DOCK1: variants seen among roughly 807,000 people sequenced by gnomAD.
The protein encoded by DOCK1 is dedicator of cytokinesis 1.
In DOCK1, 138 loss-of-function variants were observed where a neutral mutation model predicts 262.7. That is an observed-to-expected ratio of 0.53 (90% CI 0.46 to 0.61). The LOEUF (loss-of-function observed/expected upper bound fraction) is 0.61. Ranked by LOEUF, DOCK1 falls within the 20% of genes least tolerant of loss-of-function variation. The pLI is 0.00. For missense variants in DOCK1, 1,908 were observed against 2,370.7 expected (o/e 0.80, Z 4.05); for synonymous variants, 866 against 867.4 (o/e 1.00, Z 0.03).
intron 42 of DOCK1, among the ~76,000 whole-genome samples, chr10:127,410,620 G>A (rs1176236906): frequency 1.3e-5 from 2 of 151,834 alleles, no homozygotes; most frequent in Non-Finnish European, 1.5e-5. Context: ...GTTTTCCCTC[G>A]AGGGTTGGCA....
chr10:127,100,007 G>A lies in DOCK1; in HGVS notation c.2446-6224G>A, dbSNP rs1297447814. Among the ~76,000 whole-genome samples, 7 of 152,120 alleles carry A rather than the reference G, an allele frequency of 4.6e-5. No individual in the cohort carries two copies. Among genetic ancestry groups the A allele is most frequent in the Non-Finnish European group, 8.8e-5 (6 of 68,024 alleles). ...CCACCTGGGAAACTGGAAGAGGCTCGGCTTGGTGGGAGAGAGTCCTGCAGG... is the reference window on the plus strand; with the variant it reads ...CCACCTGGGAAACTGGAAGAGGCTCAGCTTGGTGGGAGAGAGTCCTGCAGG... On this transcript the variant is annotated intron_variant, in intron 23 of 51. Transcript: ENST00000623213. This position sits in a 1 kb window ranked among gnomAD's most constrained non-coding sequence, Gnocchi z 5.5.
At chr10:127,195,380 C>T (rs766528192) in intron 27 of DOCK1, among the ~76,000 whole-genome samples, 5 of 152,210 alleles carry the variant, frequency 3.3e-5, no homozygotes, top group African/African-American at 4.8e-5. Context: ...GGAAGCCCCG[C>T]GGCGCCGACC....
chr10:127,086,095 G>T (rs7895537), intron 23 of DOCK1, among the ~76,000 whole-genome samples: 5,056 of 152,144 alleles, frequency 0.033, 276 homozygotes, highest in African/African-American at 0.12. Flanking sequence ...TCAGGAGTTC[G>T]TGACTCGGTG....
intron 29 of DOCK1, among the ~76,000 whole-genome samples, chr10:127,336,049 C>T (rs1435915723): frequency 6.6e-6 from 1 of 151,652 alleles, no homozygotes; most frequent in Non-Finnish European, 1.5e-5. Flanking sequence ...GACGGGGTTT[C>T]ACCATGTTGG....
At chr10:127,351,731 A>T (rs1469897324) in intron 31 of DOCK1, among the ~76,000 whole-genome samples, 2 of 152,044 alleles carry the variant, frequency 1.3e-5, no homozygotes, top group Non-Finnish European at 2.9e-5. Context: ...CTCCATGGGA[A>T]GAACTAAGAA....
At chr10:127,224,289 A>G (rs1395827399) in intron 27 of DOCK1, among the ~76,000 whole-genome samples, 3 of 152,150 alleles carry the variant, frequency 2.0e-5, no homozygotes. Context: ...GGCCGGGTGC[A>G]GTGGCACACA....
intron 27 of DOCK1, among the ~76,000 whole-genome samples, chr10:127,188,572 G>A (rs2056482288): frequency 6.6e-6 from 1 of 152,152 alleles, no homozygotes; most frequent in African/African-American, 2.4e-5. Flanking sequence ...GGGTGCTCAA[G>A]GTCTTCCCAT....
Position 127,451,865 on chromosome 10 carries a change from G to C in DOCK1, c.*438G>C, listed in dbSNP as rs1057020207. On this transcript the variant is annotated 3_prime_UTR_variant, in exon 52 of 52. Coordinates refer to ENST00000623213, the MANE Select transcript of DOCK1 (RefSeq NM_001290223.2). ...ATCCTCCTCACTGTCATGGGATGTTGTATCCAGCCCCTCCTTGTTCCAGCC... is the reference window on the plus strand; with the variant it reads ...ATCCTCCTCACTGTCATGGGATGTTCTATCCAGCCCCTCCTTGTTCCAGCC... 5.5e-6 allele frequency: 1 copy of C among 180,322 alleles called. No homozygotes were observed. The highest frequency in any genetic ancestry group is 2.4e-5 in the African/African-American group (1 of 42,122). The allele number at this position is 180,322 out of a possible 1,614,324, so 11.2% of individuals were successfully genotyped here.
chr10:126,979,894 C>T (rs964358716), intron 3 of DOCK1, among the ~76,000 whole-genome samples: 1 of 152,170 alleles, frequency 6.6e-6, no homozygotes, highest in African/African-American at 2.4e-5. Flanking sequence ...TGAGCAGGCC[C>T]AGCGGAAGTT....
intron 23 of DOCK1, among the ~76,000 whole-genome samples, chr10:127,079,640 T>TGATAGCA (rs1193146008): frequency 2.6e-5 from 4 of 152,178 alleles, no homozygotes; most frequent in African/African-American, 9.7e-5. Context: ...TATGTAAAAG[T>TGATAGCA]CTATTCCTGG....
At chr10:126,927,635 T>A (rs1019494262) in intron 1 of DOCK1, among the ~76,000 whole-genome samples, 2 of 152,180 alleles carry the variant, frequency 1.3e-5, no homozygotes, top group East Asian at 3.9e-4. Context: ...CGGGGTTTCA[T>A]CTTGTTGGTC....
chr10:127,060,194 A>G (rs2045438333), intron 22 of DOCK1, among the ~76,000 whole-genome samples: 1 of 152,128 alleles, frequency 6.6e-6, no homozygotes, highest in Non-Finnish European at 1.5e-5. Context: ...TTAGTCTTCT[A>G]TCCCATACAG....
intron 27 of DOCK1, among the ~76,000 whole-genome samples, chr10:127,214,722 C>T (rs1479743577): frequency 1.3e-5 from 2 of 152,160 alleles, no homozygotes; most frequent in Non-Finnish European, 2.9e-5. Flanking sequence ...GCCAGGCCAA[C>T]AGGTCCTTAA....
intron 29 of DOCK1, among the ~76,000 whole-genome samples, chr10:127,297,503 AGGAGAGGAGAACCAGG>A (rs2061542574): frequency 2.0e-5 from 3 of 148,908 alleles, no homozygotes; most frequent in South Asian, 4.2e-4. Flanking sequence ...GCACAGAAGG[AGGAGAGGAGAACCAGG>A]CAGGAGCTAT....
chr10:127,228,818 T>C (rs2058734320), intron 27 of DOCK1, among the ~76,000 whole-genome samples: 1 of 152,260 alleles, frequency 6.6e-6, no homozygotes, highest in Admixed American at 6.5e-5. Context: ...AAATTATGTA[T>C]ATTTATGATG....
intron 4 of DOCK1, among the ~76,000 whole-genome samples, chr10:126,982,550 GT>G (rs1355128598): frequency 6.6e-6 from 1 of 152,144 alleles, no homozygotes; most frequent in East Asian, 1.9e-4. Context: ...ACATTAAAAT[GT>G]TTTCTTTTTT....
chr10:127,202,178 C>A (rs992170471), intron 27 of DOCK1, among the ~76,000 whole-genome samples: 1 of 152,132 alleles, frequency 6.6e-6, no homozygotes, highest in African/African-American at 2.4e-5. Context: ...GGAAAATTAG[C>A]CAGGCATAGT....
At position 127,444,071 on chromosome 10, in the gene DOCK1, C is replaced by T. The variant is rs113197094; in HGVS notation, c.5260-55C>T. The T allele has an allele frequency of 2.9e-3, 4,487 of 1,543,620 alleles. 26 individuals are homozygous for T. The highest frequency in any genetic ancestry group is 0.02 in the African/African-American group (1,432 of 72,638). ...TTCAACATAGGAATTTAGGTGGAAA[C>T]GCAACTCAGCCCATAACAGACCGTA... On this transcript the variant is annotated intron_variant, in intron 49 of 51. Coordinates refer to ENST00000623213, the MANE Select transcript of DOCK1 (RefSeq NM_001290223.2).
chr10:127,387,085 G>A (rs1028137836), intron 38 of DOCK1, among the ~76,000 whole-genome samples: 3 of 152,224 alleles, frequency 2.0e-5, no homozygotes, highest in Non-Finnish European at 4.4e-5. Flanking sequence ...CGGGAGGCCC[G>A]AGGGCCAGAG....
Sources: allele counts gnomAD v4.1 joint callset (sites outside exome capture counted in the v4.1 genomes callset), GRCh38; gene constraint gnomAD v4.1.1; non-coding constraint Gnocchi (gnomAD v3.1); transcripts MANE v1.5; gene names NCBI Gene and HGNC (gene_info 2026-07-23, HGNC 2026-07-21).